TIAM2: variants seen among roughly 807,000 people sequenced by gnomAD.
The protein encoded by TIAM2 is rho guanine nucleotide exchange factor TIAM2.
In TIAM2, 80 loss-of-function variants were observed where a neutral mutation model predicts 152.9. That is an observed-to-expected ratio of 0.52 (90% CI 0.44 to 0.63). The LOEUF (loss-of-function observed/expected upper bound fraction) is 0.63. TIAM2 is among the 30% of genes least tolerant of loss of function. The pLI is 0.00. For synonymous variants in TIAM2, 804 were observed against 838.0 expected, an observed-to-expected ratio of 0.96 and a Z score of 0.70; for missense variants, 1,965 against 2,120.1, an observed-to-expected ratio of 0.93 and a Z score of 1.44.
intron 4 of TIAM2, among the ~76,000 whole-genome samples, chr6:155,131,343 C>CT (rs1188977024): frequency 3.0e-4 from 44 of 145,280 alleles, no homozygotes; most frequent in African/African-American, 1.1e-3. Flanking sequence ...GAGACTCTGT[C>CT]TTTAAAAAAA....
chr6:155,253,800 T>C, intron 24 of TIAM2, 173 bp from the exon 25 acceptor site: 1 of 546,480 alleles, frequency 1.8e-6, no homozygotes. Context: ...CCAAAAGGCA[T>C]TTCAGTTCTT....
In TIAM2 at chr6:155,129,040, G is replaced by T; in HGVS notation, c.-6-178G>T. The T allele has an allele frequency of 1.7e-6, 1 of 603,724 alleles. No homozygotes were observed. Among genetic ancestry groups the T allele is most frequent in the East Asian group, 2.8e-5 (1 of 36,204 alleles). The allele number at this position is 603,724 out of a possible 1,614,324, so 37.4% of individuals were successfully genotyped here. On this transcript the variant is annotated intron_variant, in intron 3 of 26. Transcript: ENST00000682666. This position sits in a 1 kb window ranked among gnomAD's most constrained non-coding sequence, Gnocchi z 4.8. ...GCAGTGTTGTCTGTCTAGCTAATGA[G>T]CAGCCTTGCAAAATAAGGAGAGCCT... is the stretch of plus-strand genomic sequence containing the variant.
chr6:155,190,390 C>T (rs73006736), intron 14 of TIAM2, among the ~76,000 whole-genome samples: 1 of 152,324 alleles, frequency 6.6e-6, no homozygotes, highest in Non-Finnish European at 1.5e-5. Flanking sequence ...AAGTCTTCCT[C>T]AGCACTGGGA....
At chr6:155,030,069 A>C (rs1776794969) in intron 1 of TIAM2, among the ~76,000 whole-genome samples, 1 of 152,176 alleles carries the variant, frequency 6.6e-6, no homozygotes, top group South Asian at 2.1e-4. Context: ...CTGGGATTAC[A>C]GGTGTGAGCC....
chr6:155,253,930 T>G (rs1461072889), intron 24 of TIAM2, 43 bp from the exon 25 acceptor site: 4 of 1,519,780 alleles, frequency 2.6e-6, no homozygotes, highest in Non-Finnish European at 3.6e-6. Context: ...CACAGCATTT[T>G]GGGCAAAGTT....
In TIAM2 at chr6:155,254,054, G is replaced by A. The variant is rs764568517; in HGVS notation, c.4307G>A (p.Cys1436Tyr). The A allele has an allele frequency of 5.0e-6, 8 of 1,613,864 alleles. No homozygotes were observed. The African/African-American group carries it at 1.1e-4, about 22-fold the overall frequency. ...EGRPETIFQLCCSDSESKTNI... is the reference protein window; with the variant it reads ...EGRPETIFQLYCSDSESKTNI... ...CGGCCAGAAACCATCTTTCAGTTGT[G>A]TTGCAGGTATGACTGACTTCCAAAG... Residue 1436 changes from cysteine to tyrosine, a missense_variant, in exon 25 of 27, where the codon TGT (cysteine) becomes TAT (tyrosine). Cys to Tyr is a radical substitution (Grantham distance 194). Transcript: ENST00000682666.
chr6:155,059,346 CAG>C (rs1777524934), intron 1 of TIAM2, among the ~76,000 whole-genome samples: 1 of 132,372 alleles, frequency 7.6e-6, no homozygotes, highest in Non-Finnish European at 1.7e-5. Context: ...GTTTTTGAGA[CAG>C]AGTCTCACTC....
At chr6:154,999,913 G>T (rs1229777213) in intron 1 of TIAM2, among the ~76,000 whole-genome samples, 1 of 151,898 alleles carries the variant, frequency 6.6e-6, no homozygotes, top group Non-Finnish European at 1.5e-5. Context: ...TCCTGACCTT[G>T]TGATCCGCCC....
At chr6:155,018,837 G>A (rs1225826390) in intron 1 of TIAM2, among the ~76,000 whole-genome samples, 2 of 130,074 alleles carry the variant, frequency 1.5e-5, no homozygotes, top group African/African-American at 5.9e-5. Context: ...TCACGAGTTC[G>A]ACATCAGCCT....
intron 1 of TIAM2, among the ~76,000 whole-genome samples, chr6:155,048,756 C>T (rs374991823): frequency 7.3e-5 from 11 of 151,170 alleles, no homozygotes; most frequent in Admixed American, 5.9e-4. Flanking sequence ...AAACTCAGTG[C>T]ATGTTTGAAC....
intron 21 of TIAM2, 85 bp from the exon 22 acceptor site, chr6:155,250,826 AAT>A (rs1356995846): frequency 1.5e-6 from 2 of 1,365,734 alleles, no homozygotes; most frequent in Non-Finnish European, 2.1e-6. Context: ...GCATTTTAGC[AAT>A]GACTGTGTGT....
At chr6:155,201,644 CTT>C (rs1292195500) in intron 14 of TIAM2, among the ~76,000 whole-genome samples, 2 of 152,212 alleles carry the variant, frequency 1.3e-5, no homozygotes, top group African/African-American at 4.8e-5. Flanking sequence ...TCTAAACGCT[CTT>C]TTTCGTTGTT....
chr6:155,133,345 TCAA>T (rs532315835), intron 4 of TIAM2, among the ~76,000 whole-genome samples: 19 of 152,108 alleles, frequency 1.2e-4, no homozygotes, highest in African/African-American at 3.9e-4. Flanking sequence ...AGACTCCATC[TCAA>T]CAACAACAAC....
chr6:155,252,828 C>T (rs1783749095), intron 23 of TIAM2, 120 bp from the exon 24 acceptor site: 3 of 833,052 alleles, frequency 3.6e-6, no homozygotes, highest in Non-Finnish European at 5.8e-6. Context: ...GCCCTGAACA[C>T]CCACATGGCT....
intron 7 of TIAM2, among the ~76,000 whole-genome samples, chr6:155,158,073 C>T (rs931762973): frequency 1.3e-5 from 2 of 152,006 alleles, no homozygotes; most frequent in African/African-American, 4.8e-5. Context: ...AAGCATGGAA[C>T]GGGAGTTTTT....
chr6:155,255,402 C>A (rs1783936654), intron 26 of TIAM2: 3 of 152,242 alleles, frequency 2.0e-5, no homozygotes, highest in South Asian at 2.1e-4. Context: ...TCTACATTAA[C>A]TATTTTGTTA....
chr6:155,166,843 T>C (rs1780452780), intron 9 of TIAM2, among the ~76,000 whole-genome samples: 1 of 152,360 alleles, frequency 6.6e-6, no homozygotes, highest in South Asian at 2.1e-4. Context: ...TATGATGACC[T>C]GATCATTCAG....
chr6:155,235,720 CT>C (rs1395086463), intron 15 of TIAM2, among the ~76,000 whole-genome samples: 1 of 152,204 alleles, frequency 6.6e-6, no homozygotes, highest in African/African-American at 2.4e-5. Context: ...CACTTGAACA[CT>C]TAATTGTGGT....
chr6:155,137,632 C>T lies in TIAM2; in HGVS notation c.1630+20C>T. 2 of 1,538,558 alleles carry T rather than the reference C, an allele frequency of 1.3e-6. No homozygotes were observed. Among genetic ancestry groups the T allele is most frequent in the Non-Finnish European group, 1.7e-6 (2 of 1,149,584 alleles). On this transcript the variant is annotated intron_variant, in intron 5 of 26. Coordinates refer to ENST00000682666, the MANE Select transcript of TIAM2 (RefSeq NM_012454.4). ...TGAAAGGTGAGTGCAGTGTCACCTGCTGAGGCCACTGGGGATTGTTTCCGC... is the reference window on the plus strand; with the variant it reads ...TGAAAGGTGAGTGCAGTGTCACCTGTTGAGGCCACTGGGGATTGTTTCCGC...
Sources: allele counts gnomAD v4.1 joint callset (sites outside exome capture counted in the v4.1 genomes callset), GRCh38; gene constraint gnomAD v4.1.1; non-coding constraint Gnocchi (gnomAD v3.1); transcripts MANE v1.5; gene names NCBI Gene and HGNC (gene_info 2026-07-23, HGNC 2026-07-21).